PRICKLE1: variants seen among roughly 807,000 people sequenced by gnomAD.
The protein encoded by PRICKLE1 is prickle planar cell polarity protein 1.
In PRICKLE1, 14 loss-of-function variants were observed where a neutral mutation model predicts 70.2. The ratio of observed to expected loss-of-function variants is 0.20; its 90% CI spans 0.13 to 0.31. The LOEUF (loss-of-function observed/expected upper bound fraction) is 0.31, where lower values mean the gene tolerates loss of function less well. PRICKLE1 is among the 10% of genes least tolerant of loss of function. The pLI, the probability that PRICKLE1 is intolerant of heterozygous loss-of-function variation, is 1.00. For synonymous variants in PRICKLE1, 357 were observed against 379.9 expected (o/e 0.94, Z 0.70); for missense variants, 821 against 1,026.2 (o/e 0.80, Z 2.73).
chr12:42,532,894 C>CAAAA (rs11413258), intron 1 of PRICKLE1, among the ~76,000 whole-genome samples: 2 of 133,060 alleles, frequency 1.5e-5, no homozygotes, highest in African/African-American at 2.9e-5. Flanking sequence ...GACTCCGTCT[C>CAAAA]AAAAAAAAAA....
At chr12:42,507,638 T>C (rs1939442646) in intron 1 of PRICKLE1, among the ~76,000 whole-genome samples, 2 of 152,250 alleles carry the variant, frequency 1.3e-5, no homozygotes, top group Non-Finnish European at 2.9e-5. Context: ...AGAATTCTTC[T>C]GGAGGAACTA....
intron 4 of PRICKLE1, among the ~76,000 whole-genome samples, chr12:42,469,076 G>A (rs979712395): frequency 3.3e-5 from 5 of 152,096 alleles, no homozygotes; most frequent in Non-Finnish European, 5.9e-5. Flanking sequence ...TGGTTTTCCT[G>A]TGCCAGCCTC....
intron 1 of PRICKLE1, among the ~76,000 whole-genome samples, chr12:42,527,965 ATATATATC>A (rs1241320824): frequency 0.15 from 1,623 of 10,750 alleles, 144 homozygotes; most frequent in African/African-American, 0.22. Flanking sequence ...ATATATATAT[ATATATATC>A]TCCAAAGTTT....
At chr12:42,478,605 G>A (rs1938665914) in intron 1 of PRICKLE1, among the ~76,000 whole-genome samples, 1 of 152,020 alleles carries the variant, frequency 6.6e-6, no homozygotes, top group African/African-American at 2.4e-5. Flanking sequence ...ACACTATTTT[G>A]AAAACTAAAA....
At chr12:42,564,434 CTG>C (rs1276081734) in intron 1 of PRICKLE1, among the ~76,000 whole-genome samples, 2 of 151,664 alleles carry the variant, frequency 1.3e-5, no homozygotes, top group Non-Finnish European at 2.9e-5. Context: ...TGGTGAAACT[CTG>C]TCTCTACTAA....
In PRICKLE1 at chr12:42,589,508, CGCTGCGGGGCTGCTGGGCTGCGGG is replaced by C. The variant is rs1592051051; in HGVS notation, c.-116_-93del. On this transcript the variant is annotated 5_prime_UTR_variant, in exon 1 of 8. Transcript: ENST00000345127. This position sits in a 1 kb window ranked among gnomAD's most constrained non-coding sequence, Gnocchi z 5.0. ...AACTCGGCTGCACTGTCCTCGGCGC[CGCTGCGGGGCTGCTGGGCTGCGGG>C]GCTGCGGGGCTGAGGAGCTGCGGTC... is the stretch of plus-strand genomic sequence containing the variant. The C allele has an allele frequency of 6.6e-6, 1 of 151,010 alleles. No homozygotes were observed. Among genetic ancestry groups the C allele is most frequent in the Non-Finnish European group, 1.5e-5 (1 of 67,440 alleles). 9.4% of individuals were successfully genotyped at this position (151,010 alleles called of 1,614,324 possible).
At chr12:42,460,829 T>C in intron 7 of PRICKLE1, 164 bp from the exon 8 acceptor site, 1 of 762,090 alleles carries the variant, frequency 1.3e-6, no homozygotes, top group Non-Finnish European at 2.2e-6. Context: ...AATTGAGAAG[T>C]GGTATAAATG....
chr12:42,461,705 C>T (rs1473763596), intron 7 of PRICKLE1, among the ~76,000 whole-genome samples: 2 of 152,228 alleles, frequency 1.3e-5, no homozygotes, highest in Non-Finnish European at 2.9e-5. Flanking sequence ...AGATATTGAT[C>T]TCTTTTGATA....
chr12:42,460,569 T>C lies in PRICKLE1; in HGVS notation c.1736A>G (p.Asn579Ser), dbSNP rs1337094297. 5.6e-6 allele frequency: 9 copies of C among 1,613,980 alleles called. No individual in the cohort carries two copies. Among genetic ancestry groups the C allele is most frequent in the Non-Finnish European group, 7.6e-6 (9 of 1,180,044 alleles). Residue 579 changes from asparagine to serine, a missense_variant, in exon 8 of 8, where the codon AAT becomes AGT. By Grantham distance (46) the Asn-to-Ser change is conservative (BLOSUM62 1). Coordinates refer to ENST00000345127, the MANE Select transcript of PRICKLE1 (RefSeq NM_153026.3). ...METEDCEKMS[N>S]MGTLNSSMLH... ...CATGGAAGAGTTCAAAGTTCCCATA[T>C]TGCTCATCTTCTCACAATCTTCTGT...
intron 1 of PRICKLE1, among the ~76,000 whole-genome samples, chr12:42,534,314 C>T (rs146578404): frequency 7.9e-5 from 12 of 152,130 alleles, no homozygotes; most frequent in African/African-American, 1.7e-4. Flanking sequence ...TGCAGAGGTG[C>T]GGGTACTGGT....
In PRICKLE1 at chr12:42,468,786, G is replaced by A. The variant is rs758143303; in HGVS notation, c.428C>T (p.Ser143Phe). The A allele has an allele frequency of 3.7e-6, 6 of 1,614,036 alleles. No individual in the cohort carries two copies. The Admixed American group carries it at 8.3e-5, about 22-fold the overall frequency. ...INGGEVAVFASRAGPGVCWHP... is the reference protein window; with the variant it reads ...INGGEVAVFAFRAGPGVCWHP... ...CCAGCACACACCAGGGCCCGCACGG[G>A]AGGCGAACACTGCAACTTCACCTCC... The change falls in exon 5 of 8, where the codon TCC (serine) becomes TTC (phenylalanine). Residue 143 changes from serine to phenylalanine, a missense_variant. By Grantham distance (155) the Ser-to-Phe change is radical (BLOSUM62 -2). Transcript: ENST00000345127.
At chr12:42,499,794 C>G (rs1162884594) in intron 1 of PRICKLE1, among the ~76,000 whole-genome samples, 3 of 152,082 alleles carry the variant, frequency 2.0e-5, no homozygotes, top group African/African-American at 7.2e-5. Context: ...GTGGACTGAT[C>G]TTGGCTCACT....
chr12:42,578,539 G>C (rs904658483), intron 1 of PRICKLE1, among the ~76,000 whole-genome samples: 6 of 151,986 alleles, frequency 3.9e-5, no homozygotes, highest in Non-Finnish European at 8.8e-5. Context: ...AAGGAAGGAG[G>C]GTTATTTGAT....
At chr12:42,526,504 G>A (rs1487057644) in intron 1 of PRICKLE1, among the ~76,000 whole-genome samples, 1 of 152,144 alleles carries the variant, frequency 6.6e-6, no homozygotes, top group African/African-American at 2.4e-5. Flanking sequence ...TCACTTAGGA[G>A]TGGGGAAGAT....
At chr12:42,547,121 T>C (rs1455099805) in intron 1 of PRICKLE1, among the ~76,000 whole-genome samples, 1 of 152,192 alleles carries the variant, frequency 6.6e-6, no homozygotes, top group Non-Finnish European at 1.5e-5. Context: ...TGGAATAATT[T>C]CTATCCCTGA....
intron 1 of PRICKLE1, among the ~76,000 whole-genome samples, chr12:42,562,602 A>C (rs1232784903): frequency 6.6e-6 from 1 of 152,148 alleles, no homozygotes; most frequent in African/African-American, 2.4e-5. Flanking sequence ...AAAAAAACTG[A>C]AGATGTGAAG....
Position 42,522,006 on chromosome 12 carries a change from G to A in PRICKLE1, c.-48-49442C>T, listed in dbSNP as rs189125592. 2.5e-3 allele frequency among the ~76,000 whole-genome samples: 344 copies of A among 138,048 alleles called. 3 individuals carry two copies. Among genetic ancestry groups the A allele is most frequent in the Admixed American group, 0.021 (279 of 13,038 alleles). 90.6% of individuals were successfully genotyped at this position (138,048 alleles called of 152,430 possible). ...TTTTTTTTTTTTTTGACAGAGTTTCGCTCTTGTTGCCCAGGCTAGAGTGCA... is the reference window on the plus strand; with the variant it reads ...TTTTTTTTTTTTTTGACAGAGTTTCACTCTTGTTGCCCAGGCTAGAGTGCA... On this transcript the variant is annotated intron_variant, in intron 1 of 7. Coordinates refer to ENST00000345127, the MANE Select transcript of PRICKLE1 (RefSeq NM_153026.3).
At chr12:42,495,299 T>C (rs1020563552) in intron 1 of PRICKLE1, among the ~76,000 whole-genome samples, 2 of 147,898 alleles carry the variant, frequency 1.4e-5, no homozygotes, top group Admixed American at 6.8e-5. Context: ...GGCAGGAGGA[T>C]CACTTGAGCC....
intron 1 of PRICKLE1, among the ~76,000 whole-genome samples, chr12:42,563,535 T>TA (rs1026187630): frequency 2.2e-4 from 32 of 147,962 alleles, no homozygotes; most frequent in African/African-American, 5.5e-4. Flanking sequence ...CCGTCTCTAC[T>TA]AAAAAAAAAT....
Sources: gnomAD v4.1 joint callset for allele counts (sites outside exome capture counted in the v4.1 genomes callset) on GRCh38, gnomAD v4.1.1 for gene constraint, Gnocchi (gnomAD v3.1) non-coding constraint, MANE v1.5 for transcripts, NCBI Gene and HGNC (gene_info 2026-07-23, HGNC 2026-07-21) for gene names.